Variants in BIRC6 observed in about 807,000 individuals in gnomAD.
BIRC6 encodes dual E2 ubiquitin-conjugating enzyme/E3 ubiquitin-protein ligase BIRC6.
Under a neutral mutation model 503.3 loss-of-function variants are expected in BIRC6, and 98 were observed. The ratio of observed to expected loss-of-function variants is 0.19; its 90% CI spans 0.17 to 0.23. The LOEUF (loss-of-function observed/expected upper bound fraction) is 0.23. Among genes scored for constraint, BIRC6 ranks in the 10% least tolerant of loss-of-function variants. The pLI, the probability that BIRC6 is intolerant of heterozygous loss-of-function variation, is 1.00. For synonymous variants in BIRC6, 2,240 were observed against 2,078.7 expected, an observed-to-expected ratio of 1.08 and a Z score of -2.11; for missense variants, 5,360 against 5,806.0, an observed-to-expected ratio of 0.92 and a Z score of 2.50.
At chr2:32,542,564 C>T (rs1343558317) in intron 61 of BIRC6, among the ~76,000 whole-genome samples, 1 of 152,130 alleles carries the variant, frequency 6.6e-6, no homozygotes, top group African/African-American at 2.4e-5. Flanking sequence ...GAAAGAATGA[C>T]AGAATTAGAA....
Position 32,537,693 on chromosome 2 carries a change from G to A in BIRC6, c.12292-5548G>A, listed in dbSNP as rs188237240. 4.0e-3 allele frequency among the ~76,000 whole-genome samples: 602 copies of A among 152,272 alleles called. 2 individuals carry two copies. The highest frequency in any genetic ancestry group is 0.014 in the African/African-American group (573 of 41,564). On this transcript the variant is annotated intron_variant, in intron 61 of 73. Coordinates refer to ENST00000421745, the MANE Select transcript of BIRC6 (RefSeq NM_016252.4). ...TTTAAAACAATTATTTAGGCCGGGC[G>A]CAGTGGCTCAAGCCTGCAATCCCAG...
At chr2:32,393,666 T>C (rs1426418152) in intron 5 of BIRC6, among the ~76,000 whole-genome samples, 1 of 152,158 alleles carries the variant, frequency 6.6e-6, no homozygotes, top group Non-Finnish European at 1.5e-5. Flanking sequence ...ATTACAGGCA[T>C]GTGCCACCAT....
chr2:32,603,179 TAA>T (rs1373710433), intron 71 of BIRC6, 96 bp downstream of exon 71: 2 of 817,272 alleles, frequency 2.4e-6, no homozygotes, highest in African/African-American at 1.8e-5. Context: ...ATAGTAAACC[TAA>T]AAAAAGATAG....
chr2:32,396,150 A>G (rs185973239), intron 6 of BIRC6, among the ~76,000 whole-genome samples: 1 of 152,162 alleles, frequency 6.6e-6, no homozygotes, highest in African/African-American at 2.4e-5. Flanking sequence ...ACTAGGTACC[A>G]TTCTGAATAC....
intron 61 of BIRC6, among the ~76,000 whole-genome samples, chr2:32,535,538 A>C (rs1199494829): frequency 1.3e-5 from 2 of 152,032 alleles, no homozygotes; most frequent in African/African-American, 4.8e-5. Context: ...CCCACCTATG[A>C]GTGAGAACAT....
At chr2:32,601,951 G>A (rs1245245582) in intron 70 of BIRC6, among the ~76,000 whole-genome samples, 2 of 152,026 alleles carry the variant, frequency 1.3e-5, no homozygotes, top group Non-Finnish European at 2.9e-5. Flanking sequence ...ATTAAATCAA[G>A]GTCTCTTCTG....
intron 73 of BIRC6, among the ~76,000 whole-genome samples, chr2:32,616,691 T>G (rs1217439163): frequency 6.6e-6 from 1 of 152,186 alleles, no homozygotes; most frequent in African/African-American, 2.4e-5. Flanking sequence ...TGATAAATAT[T>G]TTTTTCATTC....
intron 8 of BIRC6, among the ~76,000 whole-genome samples, chr2:32,403,676 TATA>T (rs1292485609): frequency 6.6e-6 from 1 of 152,196 alleles, no homozygotes; most frequent in Non-Finnish European, 1.5e-5. Flanking sequence ...CAGAAACACA[TATA>T]ATCTTAACTA....
chr2:32,371,631 C>T (rs1028671480), intron 1 of BIRC6, among the ~76,000 whole-genome samples: 3 of 152,122 alleles, frequency 2.0e-5, no homozygotes, highest in Admixed American at 6.6e-5. Flanking sequence ...AATCCGCCCG[C>T]CTCGGCCTCC....
In BIRC6 at chr2:32,542,398, T is replaced by A. The variant is rs941580222; in HGVS notation, c.12292-843T>A. On this transcript the variant is annotated intron_variant, in intron 61 of 73. Coordinates refer to ENST00000421745, the MANE Select transcript of BIRC6 (RefSeq NM_016252.4). ...AAGTTATAAGGAAGTAGGATCCTGCTTTAATGGCGTCTCAGAGACAAAATC... is the reference window on the plus strand; with the variant it reads ...AAGTTATAAGGAAGTAGGATCCTGCATTAATGGCGTCTCAGAGACAAAATC... Among the ~76,000 whole-genome samples, 130 of 152,164 alleles carry A rather than the reference T, an allele frequency of 8.5e-4. 3 individuals are homozygous for A. The highest frequency in any genetic ancestry group is 2.1e-4 in the Non-Finnish European group (14 of 68,028).
chr2:32,408,902 G>A (rs1375863116), intron 9 of BIRC6, among the ~76,000 whole-genome samples: 1 of 152,106 alleles, frequency 6.6e-6, no homozygotes, highest in Non-Finnish European at 1.5e-5. Context: ...GTAAAAGTAT[G>A]TATCTTCTAA....
chr2:32,462,380 T>C (rs1158826834), intron 23 of BIRC6, among the ~76,000 whole-genome samples: 1 of 152,184 alleles, frequency 6.6e-6, no homozygotes, highest in African/African-American at 2.4e-5. Flanking sequence ...TAATGTTGTT[T>C]GAATAACAAT....
intron 43 of BIRC6, among the ~76,000 whole-genome samples, chr2:32,491,194 T>A (rs968194070): frequency 2.0e-5 from 3 of 152,182 alleles, no homozygotes; most frequent in Non-Finnish European, 4.4e-5. Flanking sequence ...CTAAATAAGA[T>A]GTACATTAAG....
chr2:32,431,181 C>CTTTTTTTGTTTTTTTTTTTT (rs2044062270), intron 12 of BIRC6, 91 bp downstream of exon 12: 1 of 65,364 alleles, frequency 1.5e-5, no homozygotes, highest in African/African-American at 9.7e-5. Context: ...TACTGTTTAT[C>CTTTTTTTGTTTTTTTTTTTT]TTTTTTTTTT....
At chr2:32,522,444 GC>G (rs1377100281) in intron 57 of BIRC6, 4 of 151,856 alleles carry the variant, frequency 2.6e-5, no homozygotes, top group Non-Finnish European at 4.4e-5. Flanking sequence ...TTAATCTAAG[GC>G]AAGACTTACT....
At chr2:32,387,836 A>AT (rs2038699880) in intron 3 of BIRC6, among the ~76,000 whole-genome samples, 1 of 152,208 alleles carries the variant, frequency 6.6e-6, no homozygotes, top group Non-Finnish European at 1.5e-5. Context: ...TTTTGGTGAT[A>AT]TATATAAGAA....
At chr2:32,562,678 T>G (rs1201495591) in intron 65 of BIRC6, among the ~76,000 whole-genome samples, 2 of 152,242 alleles carry the variant, frequency 1.3e-5, no homozygotes, top group African/African-American at 4.8e-5. Context: ...GAATGTCATA[T>G]AGTTGTAATC....
At chr2:32,588,804 T>C (rs1171656668) in intron 66 of BIRC6, among the ~76,000 whole-genome samples, 2 of 152,248 alleles carry the variant, frequency 1.3e-5, no homozygotes, top group Admixed American at 6.5e-5. Flanking sequence ...ATATTGTTTT[T>C]ACTTGAATTT....
At position 32,391,466 on chromosome 2, in the gene BIRC6, C is replaced by G. The variant is rs920216885; in HGVS notation, c.840-573C>G. Among the ~76,000 whole-genome samples, 3 of 152,204 alleles carry G rather than the reference C, an allele frequency of 2.0e-5. No homozygotes were observed. The East Asian group carries it at 5.8e-4, about 29-fold the overall frequency. On this transcript the variant is annotated intron_variant, in intron 4 of 73. Coordinates refer to ENST00000421745, the MANE Select transcript of BIRC6 (RefSeq NM_016252.4). Reference sequence around the variant, plus strand: ...TGTGAAACTGAGAATGCATTTCTAACCAAACAGCTATTTGTTTAAAAACCT... The same window carrying G: ...TGTGAAACTGAGAATGCATTTCTAAGCAAACAGCTATTTGTTTAAAAACCT...
Sources: allele counts gnomAD v4.1 joint callset (sites outside exome capture counted in the v4.1 genomes callset), GRCh38; gene constraint gnomAD v4.1.1; transcripts MANE v1.5; gene names NCBI Gene and HGNC (gene_info 2026-07-23, HGNC 2026-07-21).